STX12: variants seen among roughly 807,000 people sequenced by gnomAD.
STX12 encodes the protein syntaxin-12.
STX12 carries 17 observed loss-of-function variants against 42.2 expected under a neutral mutation model. The ratio of observed to expected loss-of-function variants is 0.40; its 90% CI spans 0.28 to 0.60. The LOEUF (loss-of-function observed/expected upper bound fraction) is 0.60. STX12 is among the 20% of genes least tolerant of loss of function. STX12 has a pLI of 0.39. For missense variants in STX12, 297 were observed against 330.9 expected (o/e 0.90, Z 0.79); for synonymous variants, 108 against 116.7 (o/e 0.93, Z 0.48).
At chr1:27,778,680 G>C (rs1179982725) in intron 1 of STX12, among the ~76,000 whole-genome samples, 1 of 148,662 alleles carries the variant, frequency 6.7e-6, no homozygotes, top group Non-Finnish European at 1.5e-5. Flanking sequence ...CTGGGCAACA[G>C]AGCGAGATTC....
intron 5 of STX12, among the ~76,000 whole-genome samples, chr1:27,811,250 C>T (rs2088901228): frequency 7.3e-6 from 1 of 136,248 alleles, no homozygotes; most frequent in South Asian, 2.5e-4. Flanking sequence ...ACCCGGGGGG[C>T]GGAGTGAAGT....
rs1426295452 is a variant in STX12, at chr1:27,792,246, A to ATATATATGTAGATACATATATATGTATC, written c.189-1279_189-1252dup. Among the ~76,000 whole-genome samples the ATATATATGTAGATACATATATATGTATC allele has an allele frequency of 2.2e-3, 269 of 123,012 alleles. 5 individuals are homozygous for ATATATATGTAGATACATATATATGTATC. Among genetic ancestry groups the ATATATATGTAGATACATATATATGTATC allele is most frequent in the Non-Finnish European group, 3.6e-3 (224 of 62,288 alleles). 80.7% of individuals were successfully genotyped at this position (123,012 alleles called of 152,430 possible). A position where few individuals can be genotyped will look rare whatever the true frequency, so the allele number is the denominator to read the frequency against. The stretch of plus-strand genomic sequence containing the variant: ...TATGTATATACATATATATGTATCT[A>ATATATATGTAGATACATATATATGTATC]TATATATGTAGATACATATATATGT... On this transcript the variant is annotated intron_variant, in intron 2 of 8. Transcript: ENST00000373943.
At chr1:27,815,039 G>A in intron 6 of STX12, among the ~76,000 whole-genome samples, 1 of 152,224 alleles carries the variant, frequency 6.6e-6, no homozygotes, top group South Asian at 2.1e-4. Context: ...CTAATACAAT[G>A]TAAGTGCTAT....
intron 5 of STX12, 121 bp downstream of exon 5, chr1:27,810,410 TAACA>T: frequency 2.4e-6 from 2 of 848,392 alleles, no homozygotes; most frequent in Non-Finnish European, 3.7e-6. Flanking sequence ...CTGGAGTGGA[TAACA>T]TAATCCACAG....
chr1:27,796,353 G>T (rs539472932), intron 3 of STX12, among the ~76,000 whole-genome samples: 1 of 152,106 alleles, frequency 6.6e-6, no homozygotes, highest in East Asian at 1.9e-4. Context: ...CAATGATCTA[G>T]TTACCCAGTC....
intron 1 of STX12, 115 bp downstream of exon 1, chr1:27,773,540 C>A: frequency 1.1e-6 from 1 of 921,632 alleles, no homozygotes; most frequent in Non-Finnish European, 1.7e-6. Context: ...CTGGGGCTGT[C>A]TCGGGCTGTC....
Position 27,822,360 on chromosome 1 carries a change from T to A in STX12, c.*31T>A. 7.1e-7 allele frequency: 1 copy of A among 1,414,648 alleles called. No individual in the cohort carries two copies. The highest frequency in any genetic ancestry group is 1.0e-6 in the Non-Finnish European group (1 of 997,886). The allele number at this position is 1,414,648 out of a possible 1,614,324, so 87.6% of individuals were successfully genotyped here. On this transcript the variant is annotated 3_prime_UTR_variant, in exon 9 of 9. Coordinates refer to ENST00000373943, the MANE Select transcript of STX12 (RefSeq NM_177424.3). ...TCCGATCGTTCTCCCGCTGAGCTGTTTTCAAGGGCAAGTGCTTGTTGAAGT... is the reference window on the plus strand; with the variant it reads ...TCCGATCGTTCTCCCGCTGAGCTGTATTCAAGGGCAAGTGCTTGTTGAAGT...
intron 6 of STX12, among the ~76,000 whole-genome samples, chr1:27,815,101 T>C (rs1017376306): frequency 6.6e-6 from 1 of 152,000 alleles, no homozygotes; most frequent in African/African-American, 2.4e-5. Context: ...ATAAGTAATA[T>C]AGAGATGATT....
chr1:27,776,081 A>G (rs967656374), intron 1 of STX12, among the ~76,000 whole-genome samples: 1 of 152,200 alleles, frequency 6.6e-6, no homozygotes, highest in Admixed American at 6.5e-5. Context: ...TGAAAATGAA[A>G]AGAAAGGAAA....
At chr1:27,792,420 T>A in intron 2 of STX12, among the ~76,000 whole-genome samples, 1 of 150,338 alleles carries the variant, frequency 6.7e-6, no homozygotes, top group East Asian at 1.9e-4. Context: ...GGTAAGAGAA[T>A]GACTATTATT....
chr1:27,785,490 G>A (rs1302087772), intron 1 of STX12, among the ~76,000 whole-genome samples: 3 of 152,164 alleles, frequency 2.0e-5, no homozygotes, highest in South Asian at 2.1e-4. Flanking sequence ...AGTGGTGGGA[G>A]TACTTAGAGA....
chr1:27,806,898 C>G (rs1428159088), intron 4 of STX12, among the ~76,000 whole-genome samples: 1 of 152,038 alleles, frequency 6.6e-6, no homozygotes, highest in Non-Finnish European at 1.5e-5. Context: ...ACCAAACAAC[C>G]GGATCTCATG....
chr1:27,781,263 C>T (rs1405946938), intron 1 of STX12, among the ~76,000 whole-genome samples: 1 of 152,022 alleles, frequency 6.6e-6, no homozygotes, highest in Admixed American at 6.6e-5. Flanking sequence ...AAGCTGGTCT[C>T]GAACTCCTGA....
intron 1 of STX12, among the ~76,000 whole-genome samples, chr1:27,787,954 G>A (rs186959378): frequency 1.2e-4 from 19 of 152,134 alleles, no homozygotes; most frequent in Admixed American, 1.3e-4. Flanking sequence ...ATATACATTG[G>A]TCTCCTCATT....
At chr1:27,776,140 G>C (rs954655671) in intron 1 of STX12, among the ~76,000 whole-genome samples, 2 of 152,170 alleles carry the variant, frequency 1.3e-5, no homozygotes, top group South Asian at 2.1e-4. Context: ...TTTAGCTATT[G>C]ATTGGGCATT....
Position 27,773,289 on chromosome 1 carries a change from C to A in STX12, c.-19C>A, listed in dbSNP as rs767173287. On this transcript the variant is annotated 5_prime_UTR_variant, in exon 1 of 9. Transcript: ENST00000373943. ...CGGTAGGAGAGCGGTGTAGAGCGAG[C>A]AGGTCTCAGCTCCTCGTCATGTCAT... The A allele has an allele frequency of 1.4e-6, 2 of 1,459,304 alleles. No individual in the cohort carries two copies. The highest frequency in any genetic ancestry group is 1.9e-6 in the Non-Finnish European group (2 of 1,069,954). The allele number at this position is 1,459,304 out of a possible 1,614,324, so 90.4% of individuals were successfully genotyped here. A position where few individuals can be genotyped will look rare whatever the true frequency, so the allele number is the denominator to read the frequency against.
chr1:27,780,989 TCTGGTATACTGC>T (rs1173126678), intron 1 of STX12, among the ~76,000 whole-genome samples: 1 of 151,788 alleles, frequency 6.6e-6, no homozygotes, highest in Admixed American at 6.6e-5. Context: ...TTTGAAAGTG[TCTGGTATACTGC>T]CTGCCTGGCA....
intron 3 of STX12, among the ~76,000 whole-genome samples, chr1:27,794,247 G>A (rs1557801648): frequency 6.6e-6 from 1 of 152,034 alleles, no homozygotes; most frequent in Non-Finnish European, 1.5e-5. Flanking sequence ...TGCTGGTATT[G>A]AACTTGTGAC....
chr1:27,814,780 G>A (rs1235683076), intron 6 of STX12, among the ~76,000 whole-genome samples: 1 of 150,886 alleles, frequency 6.6e-6, no homozygotes. Context: ...AACCTGGGAG[G>A]CGGAGGTTGC....
Sources: gnomAD v4.1 joint callset for allele counts (sites outside exome capture counted in the v4.1 genomes callset) on GRCh38, gnomAD v4.1.1 for gene constraint, MANE v1.5 for transcripts, NCBI Gene and HGNC (gene_info 2026-07-23, HGNC 2026-07-21) for gene names.